BABAM2: variants seen among roughly 807,000 people sequenced by gnomAD.
BABAM2 encodes BRISC and BRCA1 A complex member 2.
Under a neutral mutation model 54.7 loss-of-function variants are expected in BABAM2, and 31 were observed. That is an observed-to-expected ratio of 0.57 (90% CI 0.43 to 0.77). BABAM2 has a LOEUF of 0.77. Ranked by LOEUF, BABAM2 falls within the 30% of genes least tolerant of loss-of-function variation. The pLI is 0.00. For missense variants in BABAM2, 364 were observed against 455.8 expected (o/e 0.80, Z 1.83); for synonymous variants, 167 against 162.9 (o/e 1.03, Z -0.19).
chr2:27,995,680 C>T lies in BABAM2; in HGVS notation c.300+7593C>T, dbSNP rs1267843424. Among the ~76,000 whole-genome samples, 5 of 152,082 alleles carry T rather than the reference C, an allele frequency of 3.3e-5. No homozygotes were observed. Among genetic ancestry groups the T allele is most frequent in the Middle Eastern group, 3.4e-3 (1 of 294 alleles). The stretch of plus-strand genomic sequence containing the variant: ...CTGCAAGCTCCGCCTCCCGGGTTCA[C>T]GCCATTCTCCTGCCTCAGCCTCCCG... On this transcript the variant is annotated intron_variant, in intron 4 of 11. Transcript: ENST00000379624. This position sits in a 1 kb window ranked among gnomAD's most constrained non-coding sequence, Gnocchi z 4.1.
chr2:28,096,882 A>T (rs1666678483), intron 6 of BABAM2, among the ~76,000 whole-genome samples: 1 of 152,138 alleles, frequency 6.6e-6, no homozygotes. Flanking sequence ...CCAAAGGATA[A>T]GGAGAGCTTG....
intron 7 of BABAM2, among the ~76,000 whole-genome samples, chr2:28,189,176 G>A (rs1676636162): frequency 6.6e-6 from 1 of 151,082 alleles, no homozygotes; most frequent in East Asian, 1.9e-4. Flanking sequence ...ACTCCAGTCT[G>A]GCGACAGAGT....
At chr2:28,110,970 CT>C (rs551330384) in intron 6 of BABAM2, among the ~76,000 whole-genome samples, 191 of 133,070 alleles carry the variant, frequency 1.4e-3, no homozygotes, top group African/African-American at 1.4e-3. Context: ...TTGGCTGTTT[CT>C]TTTTTTTTTT....
intron 6 of BABAM2, among the ~76,000 whole-genome samples, chr2:28,081,958 A>G (rs1276788523): frequency 1.3e-5 from 2 of 152,246 alleles, no homozygotes; most frequent in African/African-American, 4.8e-5. Flanking sequence ...ATAATGTGCA[A>G]TGCATTTTGT....
intron 11 of BABAM2, chr2:28,327,314 C>G: frequency 1.9e-6 from 3 of 1,612,992 alleles, no homozygotes; most frequent in Non-Finnish European, 2.5e-6. Context: ...CCCGTGGGAG[C>G]AAGTCCTGGC....
At chr2:28,020,130 G>A (rs1352650092) in intron 4 of BABAM2, among the ~76,000 whole-genome samples, 1 of 152,172 alleles carries the variant, frequency 6.6e-6, no homozygotes, top group Non-Finnish European at 1.5e-5. Flanking sequence ...TGAAGCATAC[G>A]TGTTTAGGGC....
At chr2:28,075,103 A>G (rs1188535998) in intron 6 of BABAM2, among the ~76,000 whole-genome samples, 2 of 152,036 alleles carry the variant, frequency 1.3e-5, no homozygotes, top group African/African-American at 4.8e-5. Flanking sequence ...CCTTACTACA[A>G]AGTCTTAAGA....
At chr2:28,244,714 A>T in intron 9 of BABAM2, 66 bp from the exon 10 acceptor site, 2 of 1,427,580 alleles carry the variant, frequency 1.4e-6, no homozygotes, top group Non-Finnish European at 2.0e-6. Context: ...ACTTGGTTTT[A>T]TTGCTTTTAT....
chr2:28,027,788 A>G (rs1417717235), intron 5 of BABAM2, among the ~76,000 whole-genome samples: 1 of 152,216 alleles, frequency 6.6e-6, no homozygotes, highest in Admixed American at 6.5e-5. Context: ...AAGTATTGGT[A>G]ATACCCCTTT....
chr2:28,315,074 GGGAA>G (rs1181457411), intron 11 of BABAM2, among the ~76,000 whole-genome samples: 13 of 141,762 alleles, frequency 9.2e-5, no homozygotes, highest in Middle Eastern at 7.1e-3. Context: ...AAAGGGGGGA[GGGAA>G]GGAAGGAAGG....
intron 10 of BABAM2, among the ~76,000 whole-genome samples, chr2:28,282,056 A>G (rs1686406120): frequency 6.6e-6 from 1 of 152,182 alleles, no homozygotes; most frequent in South Asian, 2.1e-4. Flanking sequence ...AGGGCATGTT[A>G]AGCAGATGGA....
chr2:27,992,202 G>T (rs1213508543), intron 4 of BABAM2, among the ~76,000 whole-genome samples: 1 of 152,072 alleles, frequency 6.6e-6, no homozygotes, highest in Non-Finnish European at 1.5e-5. Context: ...TGTCTATTCA[G>T]ATCCTTTGCC....
At chr2:28,183,739 T>TCACACACACACACACACACACACACACA (rs1286120518) in intron 7 of BABAM2, among the ~76,000 whole-genome samples, 11 of 133,120 alleles carry the variant, frequency 8.3e-5, no homozygotes, top group African/African-American at 3.0e-4. Flanking sequence ...TGGATGAAGA[T>TCACACACACACACACACACACACACACA]CACACACACA....
chr2:27,957,290 A>G (rs915930662), intron 3 of BABAM2, among the ~76,000 whole-genome samples: 3 of 152,208 alleles, frequency 2.0e-5, no homozygotes, highest in Non-Finnish European at 4.4e-5. Flanking sequence ...TCTATGCACC[A>G]GTTACTATTG....
chr2:28,304,376 A>G lies in BABAM2; in HGVS notation c.1088+5885A>G, dbSNP rs2148258516. Among the ~76,000 whole-genome samples the G allele has an allele frequency of 1.3e-5, 2 of 150,170 alleles. 1 individual carries two copies. Among genetic ancestry groups the G allele is most frequent in the South Asian group, 4.2e-4 (2 of 4,806 alleles). ...CCACCTGTTTTTGCTTTTATTGTAAATTATATAAAAATATAAATATAAAAT... is the reference window on the plus strand; with the variant it reads ...CCACCTGTTTTTGCTTTTATTGTAAGTTATATAAAAATATAAATATAAAAT... On this transcript the variant is annotated intron_variant, in intron 11 of 11. Transcript: ENST00000379624. This position sits in a 1 kb window ranked among gnomAD's most constrained non-coding sequence, Gnocchi z 4.0.
intron 6 of BABAM2, among the ~76,000 whole-genome samples, chr2:28,110,438 A>G (rs1667898105): frequency 1.3e-5 from 2 of 151,980 alleles, no homozygotes; most frequent in African/African-American, 2.4e-5. Flanking sequence ...AGCCTGGCCA[A>G]CAAGGCGAAA....
At chr2:28,023,633 T>C (rs1165836918) in intron 4 of BABAM2, among the ~76,000 whole-genome samples, 3 of 152,236 alleles carry the variant, frequency 2.0e-5, no homozygotes, top group Non-Finnish European at 4.4e-5. Flanking sequence ...TTTTCCTCTG[T>C]TCATCATCTT....
intron 6 of BABAM2, among the ~76,000 whole-genome samples, chr2:28,120,913 G>T (rs1669012571): frequency 6.6e-6 from 1 of 152,034 alleles, no homozygotes; most frequent in Admixed American, 6.6e-5. Context: ...TTTAAGAAGG[G>T]GAATGGCAAA....
At chr2:28,220,628 A>T (rs980921955) in intron 7 of BABAM2, among the ~76,000 whole-genome samples, 2 of 148,238 alleles carry the variant, frequency 1.3e-5, no homozygotes, top group Non-Finnish European at 3.0e-5. Flanking sequence ...CAAAAAAAAA[A>T]TAAATAAAAC....
Sources: gnomAD v4.1 joint callset for allele counts (sites outside exome capture counted in the v4.1 genomes callset) on GRCh38, gnomAD v4.1.1 for gene constraint, Gnocchi (gnomAD v3.1) non-coding constraint, MANE v1.5 for transcripts, NCBI Gene and HGNC (gene_info 2026-07-23, HGNC 2026-07-21) for gene names.